Variants in MTCL1 observed in about 807,000 individuals in gnomAD.
The protein encoded by MTCL1 is microtubule crosslinking factor 1.
In MTCL1, 79 loss-of-function variants were observed where a neutral mutation model predicts 141.4. The observed-to-expected ratio is 0.56, with a 90% CI of 0.47 to 0.67. The LOEUF (loss-of-function observed/expected upper bound fraction) is 0.67, where lower values mean the gene tolerates loss of function less well. MTCL1 is among the 30% of genes least tolerant of loss of function. The pLI is 0.00. For synonymous variants in MTCL1, 914 were observed against 875.8 expected (o/e 1.04, Z -0.77); for missense variants, 2,177 against 2,113.9 (o/e 1.03, Z -0.59).
chr18:8,809,569 G>A (rs1166449039), intron 11 of MTCL1: 1 of 1,536,136 alleles, frequency 6.5e-7, no homozygotes, highest in South Asian at 1.2e-5. Flanking sequence ...GAGGTGAGAG[G>A]GGTGACTCTG....
chr18:8,773,154 G>A (rs1234670228), intron 4 of MTCL1, among the ~76,000 whole-genome samples: 1 of 152,104 alleles, frequency 6.6e-6, no homozygotes, highest in Non-Finnish European at 1.5e-5. Flanking sequence ...AAATCTTGGT[G>A]CATGTCTCTT....
At chr18:8,763,258 T>C (rs2096442349) in intron 4 of MTCL1, among the ~76,000 whole-genome samples, 1 of 152,202 alleles carries the variant, frequency 6.6e-6, no homozygotes, top group Non-Finnish European at 1.5e-5. Context: ...GAAAACGATG[T>C]CCAAGAAAGG....
At chr18:8,724,293 C>G (rs143129002) in intron 4 of MTCL1, among the ~76,000 whole-genome samples, 2 of 152,218 alleles carry the variant, frequency 1.3e-5, no homozygotes, top group African/African-American at 4.8e-5. Context: ...CACCTGTAAT[C>G]CCAGCTACTC....
At chr18:8,826,543 T>C (rs1036955185) in intron 15 of MTCL1, among the ~76,000 whole-genome samples, 2 of 152,226 alleles carry the variant, frequency 1.3e-5, no homozygotes, top group Non-Finnish European at 2.9e-5. Context: ...GGGGTCAGTT[T>C]GCCTTCTTTC....
rs539040751 is a variant in MTCL1, at chr18:8,775,801, C to G, written c.358-2032C>G. On this transcript the variant is annotated intron_variant, in intron 4 of 16. Transcript: ENST00000359865. ...CTTCCACCTTTGTTAGTCAGGGAGC[C>G]TGCTGCCCCTGCTCCATGATGATTC... Among the ~76,000 whole-genome samples the G allele has an allele frequency of 1.1e-3, 163 of 152,278 alleles. 1 individual carries two copies. The highest frequency in any genetic ancestry group is 3.9e-3 in the African/African-American group (160 of 41,554).
At chr18:8,721,760 G>A (rs1259916188) in intron 4 of MTCL1, among the ~76,000 whole-genome samples, 1 of 152,216 alleles carries the variant, frequency 6.6e-6, no homozygotes, top group East Asian at 1.9e-4. Context: ...TGACAATGCT[G>A]TGTGTTTTCT....
chr18:8,816,520 G>T (rs1334670168), intron 12 of MTCL1, among the ~76,000 whole-genome samples: 1 of 152,152 alleles, frequency 6.6e-6, no homozygotes, highest in African/African-American at 2.4e-5. Context: ...CGGGGTGGGG[G>T]TAGGAGACTT....
At chr18:8,792,082 A>G (rs1207932610) in intron 7 of MTCL1, among the ~76,000 whole-genome samples, 1 of 152,236 alleles carries the variant, frequency 6.6e-6, no homozygotes, top group Non-Finnish European at 1.5e-5. Flanking sequence ...GTAGTAGATA[A>G]GTTAAAGGGA....
intron 14 of MTCL1, among the ~76,000 whole-genome samples, chr18:8,821,866 CTG>C (rs759456474): frequency 2.0e-5 from 3 of 152,126 alleles, no homozygotes; most frequent in Non-Finnish European, 4.4e-5. Context: ...GCTTTATACA[CTG>C]TATTTAAAAG....
chr18:8,752,574 G>A (rs973057793), intron 4 of MTCL1, among the ~76,000 whole-genome samples: 5 of 152,190 alleles, frequency 3.3e-5, no homozygotes, highest in African/African-American at 1.2e-4. Context: ...GGCTGAGTTT[G>A]TATGCTACAG....
At chr18:8,825,631 T>C (rs1386347155) in exon 15 of MTCL1, 1 of 1,613,658 alleles carries the variant, frequency 6.2e-7, no homozygotes, top group Non-Finnish European at 8.5e-7. Context: ...GCCCCTGCCA[T>C]CGAGAAGGTG....
rs766257022 is a variant in MTCL1, at chr18:8,783,779, C to T, written c.667C>T (p.Arg223Trp). Residue 223 changes from arginine (R) to tryptophan (W), a missense_variant, in exon 6 of 17, where the codon CGG becomes TGG. Coordinates refer to ENST00000359865, the Ensembl canonical transcript of MTCL1. ...GGAGGAGGAAGCCAACATCTTGGGC[C>T]GGAAGATCGTGGAGCTGGAGGTGGA... The T allele has an allele frequency of 3.7e-5, 60 of 1,613,050 alleles. No individual in the cohort carries two copies. Among genetic ancestry groups the T allele is most frequent in the Non-Finnish European group, 4.7e-5 (55 of 1,179,838 alleles).
At chr18:8,786,917 T>C (rs2096558287) in intron 7 of MTCL1, 2 of 158,114 alleles carry the variant, frequency 1.3e-5, no homozygotes, top group African/African-American at 4.8e-5. Context: ...TTCTTTGCCA[T>C]GGGCTGTTTC....
intron 4 of MTCL1, among the ~76,000 whole-genome samples, chr18:8,773,022 A>C (rs894453663): frequency 5.3e-5 from 8 of 152,338 alleles, no homozygotes; most frequent in Non-Finnish European, 1.0e-4. Context: ...TGAGATGAGC[A>C]TATCAAAACA....
At chr18:8,813,337 CAGGATGCATGGG>C (rs1221247468) in intron 12 of MTCL1, 104 bp downstream of exon 11, 12 of 1,322,712 alleles carry the variant, frequency 9.1e-6, no homozygotes, top group Middle Eastern at 4.9e-4. Context: ...CTTGCAGCAT[CAGGATGCATGGG>C]CTTCCAAAGG....
At chr18:8,817,702 C>T (rs544750891) in intron 12 of MTCL1, among the ~76,000 whole-genome samples, 1 of 152,308 alleles carries the variant, frequency 6.6e-6, no homozygotes, top group South Asian at 2.1e-4. Context: ...ACGGTCTCAG[C>T]ACTTGAGGAC....
At chr18:8,829,110 CCCAGGAA>C (rs561841302) in intron 16 of MTCL1, 61,381 of 1,507,802 alleles carry the variant, frequency 0.041, 1,538 homozygotes, top group South Asian at 0.093. Context: ...TTCGCCTAAA[CCCAGGAA>C]CAGATTGATA....
intron 12 of MTCL1, among the ~76,000 whole-genome samples, chr18:8,817,252 C>CTTTGT (rs2076684446): frequency 8.5e-6 from 1 of 118,260 alleles, no homozygotes; most frequent in South Asian, 2.7e-4. Context: ...AAAGCCTTCC[C>CTTTGT]TTTTTTTTTT....
At chr18:8,721,249 G>A (rs1007815967) in intron 4 of MTCL1, among the ~76,000 whole-genome samples, 1 of 152,222 alleles carries the variant, frequency 6.6e-6, no homozygotes, top group African/African-American at 2.4e-5. Context: ...TGTGTTACCT[G>A]CACCTGCCAG....
Sources: gnomAD v4.1 joint callset for allele counts (sites outside exome capture counted in the v4.1 genomes callset) on GRCh38, gnomAD v4.1.1 for gene constraint, MANE v1.5 for transcripts, NCBI Gene and HGNC (gene_info 2026-07-23, HGNC 2026-07-21) for gene names.